The following NPAS3 variants were observed in gnomAD, a reference collection of about 807,000 sequenced individuals.
The protein encoded by NPAS3 is neuronal PAS domain-containing protein 3.
NPAS3 carries 14 observed loss-of-function variants against 73.1 expected under a neutral mutation model. That is an observed-to-expected ratio of 0.19 (90% CI 0.13 to 0.30). The LOEUF (loss-of-function observed/expected upper bound fraction) is 0.30, where lower values mean the gene tolerates loss of function less well. Ranked by LOEUF, NPAS3 falls within the 10% of genes least tolerant of loss-of-function variation. The pLI is 1.00. For synonymous variants in NPAS3, 620 were observed against 541.5 expected, an observed-to-expected ratio of 1.14 and a Z score of -2.01; for missense variants, 1,096 against 1,250.0, an observed-to-expected ratio of 0.88 and a Z score of 1.86.
intron 1 of NPAS3, among the ~76,000 whole-genome samples, chr14:32,965,627 C>T (rs1037944260): frequency 1.3e-5 from 2 of 152,124 alleles, no homozygotes; most frequent in African/African-American, 4.8e-5. Flanking sequence ...AAATTGAAAC[C>T]TTTCTCTCTA....
At chr14:33,411,967 A>T (rs2047946828) in intron 4 of NPAS3, among the ~76,000 whole-genome samples, 1 of 152,094 alleles carries the variant, frequency 6.6e-6, no homozygotes, top group Non-Finnish European at 1.5e-5. Flanking sequence ...TTCCCATTTT[A>T]GATATTGTAT....
intron 5 of NPAS3, among the ~76,000 whole-genome samples, chr14:33,574,796 T>G (rs1057002044): frequency 6.6e-6 from 1 of 152,122 alleles, no homozygotes; most frequent in Non-Finnish European, 1.5e-5. Flanking sequence ...TAAGTAGGGT[T>G]ATCTCTTCCT....
At chr14:33,304,296 G>A (rs1330472694) in intron 3 of NPAS3, among the ~76,000 whole-genome samples, 1 of 152,112 alleles carries the variant, frequency 6.6e-6, no homozygotes, top group African/African-American at 2.4e-5. Context: ...GTGAATTTCA[G>A]TTATCCTTTT....
chr14:33,699,047 G>C (rs1055087627), intron 6 of NPAS3, among the ~76,000 whole-genome samples: 1 of 152,168 alleles, frequency 6.6e-6, no homozygotes, highest in Non-Finnish European at 1.5e-5. Context: ...GGACACATAG[G>C]AAACACAGAG....
At chr14:33,446,360 A>G (rs2139333680) in intron 4 of NPAS3, among the ~76,000 whole-genome samples, 1 of 151,244 alleles carries the variant, frequency 6.6e-6, no homozygotes, top group South Asian at 2.1e-4. Flanking sequence ...TATTTTTAGT[A>G]GAGACGGGGT....
At chr14:33,395,048 G>A (rs2047162730) in intron 4 of NPAS3, among the ~76,000 whole-genome samples, 1 of 152,082 alleles carries the variant, frequency 6.6e-6, no homozygotes, top group Non-Finnish European at 1.5e-5. Context: ...TTAGTACACT[G>A]GTTGTAGCAA....
intron 5 of NPAS3, among the ~76,000 whole-genome samples, chr14:33,573,021 CAA>C (rs1172844613): frequency 1.6e-5 from 1 of 61,582 alleles, no homozygotes. Context: ...GACTTCTTCT[CAA>C]AAAAAAAAAA....
intron 4 of NPAS3, among the ~76,000 whole-genome samples, chr14:33,425,650 A>G (rs866456841): frequency 3.3e-5 from 5 of 151,902 alleles, no homozygotes; most frequent in South Asian, 2.1e-4. Flanking sequence ...AAAACAAGGA[A>G]TGTGATTTTT....
chr14:33,105,287 AT>A (rs1401357384), intron 2 of NPAS3, among the ~76,000 whole-genome samples: 10 of 152,166 alleles, frequency 6.6e-5, no homozygotes, highest in African/African-American at 2.4e-4. Context: ...ATCAAACTTT[AT>A]CTTCAAAAAG....
intron 3 of NPAS3, among the ~76,000 whole-genome samples, chr14:33,362,735 G>A (rs1028077227): frequency 2.6e-5 from 4 of 152,028 alleles, no homozygotes; most frequent in African/African-American, 4.8e-5. Context: ...ACTACCTGCC[G>A]AACTTTAAGA....
At chr14:33,718,366 TTTTTGCATTTA>T (rs1288241239) in intron 6 of NPAS3, among the ~76,000 whole-genome samples, 6 of 152,172 alleles carry the variant, frequency 3.9e-5, no homozygotes, top group Admixed American at 3.3e-4. Flanking sequence ...TAATTCTCCT[TTTTTGCATTTA>T]CATTTTCTCA....
At chr14:32,937,091 C>T (rs2035720092), upstream of NPAS3, among the ~76,000 whole-genome samples, 1 of 151,822 alleles carries the variant, frequency 6.6e-6, no homozygotes, top group Non-Finnish European at 1.5e-5. Flanking sequence ...CTGTTACTGT[C>T]TTTTAGTCAA....
At chr14:33,271,391 T>C (rs1370970596) in intron 3 of NPAS3, among the ~76,000 whole-genome samples, 3 of 151,862 alleles carry the variant, frequency 2.0e-5, no homozygotes, top group Admixed American at 1.3e-4. Flanking sequence ...GGAAAGGGGG[T>C]TCTGGTTTCC....
chr14:33,774,632 C>A, intron 8 of NPAS3, 102 bp downstream of exon 8: 1 of 920,244 alleles, frequency 1.1e-6, no homozygotes, highest in Non-Finnish European at 1.7e-6. Context: ...GAGGTTCATT[C>A]TAAATCCTGA....
intron 4 of NPAS3, among the ~76,000 whole-genome samples, chr14:33,409,762 A>C (rs1202622163): frequency 2.0e-5 from 3 of 152,194 alleles, no homozygotes; most frequent in Non-Finnish European, 4.4e-5. Context: ...ATATTACTAC[A>C]GAGAAGAGTA....
At chr14:33,509,357 TCTC>T (rs569548429) in intron 4 of NPAS3, among the ~76,000 whole-genome samples, 139 of 152,084 alleles carry the variant, frequency 9.1e-4, no homozygotes, top group African/African-American at 3.2e-3. Flanking sequence ...CTCTTTCTCT[TCTC>T]CTCTATTCCA....
At chr14:33,466,923 A>T (rs2050554805) in intron 4 of NPAS3, among the ~76,000 whole-genome samples, 1 of 152,212 alleles carries the variant, frequency 6.6e-6, no homozygotes, top group Admixed American at 6.5e-5. Flanking sequence ...GAGGACACAG[A>T]TCCAAACCAT....
intron 1 of NPAS3, among the ~76,000 whole-genome samples, chr14:32,993,247 C>T (rs1279204): frequency 0.14 from 20,680 of 151,566 alleles, 1,422 homozygotes; most frequent in East Asian, 0.17. Context: ...GCCCTTAAAG[C>T]AAGAACGGGA....
At chr14:33,308,586 T>TG (rs1215638026) in intron 3 of NPAS3, among the ~76,000 whole-genome samples, 1 of 16,910 alleles carries the variant, frequency 5.9e-5, no homozygotes, top group Admixed American at 5.0e-4. Context: ...TATATCTATA[T>TG]ATATGATCTA....
Sources: gnomAD v4.1 joint callset for allele counts (sites outside exome capture counted in the v4.1 genomes callset) on GRCh38, gnomAD v4.1.1 for gene constraint, MANE v1.5 for transcripts, NCBI Gene and HGNC (gene_info 2026-07-23, HGNC 2026-07-21) for gene names.